Variants in FSD1 observed in about 807,000 individuals in gnomAD.
The protein encoded by FSD1 is fibronectin type III and SPRY domain-containing protein 1.
FSD1 carries 23 observed loss-of-function variants against 58.2 expected under a neutral mutation model. That is an observed-to-expected ratio of 0.40 (90% CI 0.28 to 0.56). The LOEUF (loss-of-function observed/expected upper bound fraction) is 0.56, where lower values mean the gene tolerates loss of function less well. Ranked by LOEUF, FSD1 falls within the 20% of genes least tolerant of loss-of-function variation. FSD1 has a pLI of 0.54. For synonymous variants in FSD1, 265 were observed against 263.4 expected (o/e 1.01, Z -0.06); for missense variants, 563 against 670.8 (o/e 0.84, Z 1.78).
At chr19:4,314,868 A>G in intron 7 of FSD1, among the ~76,000 whole-genome samples, 1 of 152,206 alleles carries the variant, frequency 6.6e-6, no homozygotes, top group East Asian at 1.9e-4. Context: ...CACCAACACC[A>G]CGGTCAAAGT....
chr19:4,314,141 A>T (rs1315940763), intron 7 of FSD1, among the ~76,000 whole-genome samples: 1 of 152,182 alleles, frequency 6.6e-6, no homozygotes, highest in East Asian at 1.9e-4. Context: ...TTGGGCTGTA[A>T]TCAGCCAGCT....
In FSD1 at chr19:4,306,343, G is replaced by C; in HGVS notation, c.243+14G>C. 6.2e-7 allele frequency: 1 copy of C among 1,612,794 alleles called. No homozygotes were observed. The highest frequency in any genetic ancestry group is 8.5e-7 in the Non-Finnish European group (1 of 1,179,716). On this transcript the variant is annotated intron_variant, in intron 3 of 12. Transcript: ENST00000221856. ...TACGAGCTGCAGGTGAGGGCTGAGG[G>C]CATCTTCCTCTCCCCCCGCCCCTCC...
chr19:4,315,498 C>T (rs1408825319), intron 7 of FSD1, among the ~76,000 whole-genome samples: 12 of 150,368 alleles, frequency 8.0e-5, no homozygotes, highest in East Asian at 2.0e-4. Flanking sequence ...TTAGTAGAGA[C>T]GGGTTTTCAC....
At chr19:4,312,804 CAAAA>C (rs1055017405) in intron 7 of FSD1, among the ~76,000 whole-genome samples, 1 of 141,272 alleles carries the variant, frequency 7.1e-6, no homozygotes, top group Non-Finnish European at 1.5e-5. Flanking sequence ...GACTCCGTCT[CAAAA>C]AATAAATAAA....
rs1233215084 is a variant in FSD1, at chr19:4,304,769, G to C, written c.15+8G>C. 2 of 1,099,392 alleles carry C rather than the reference G, an allele frequency of 1.8e-6. No homozygotes were observed. Among genetic ancestry groups the C allele is most frequent in the African/African-American group, 1.6e-5 (1 of 61,942 alleles). The allele number at this position is 1,099,392 out of a possible 1,614,324, so 68.1% of individuals were successfully genotyped here. ...GCCATGGAAGAACAGAGGGTAGGAC[G>C]GGGTGGGGCAGGGCGGGCCCGCAGG... On this transcript the variant is annotated splice_region_variant and intron_variant, in intron 1 of 12. Transcript: ENST00000221856.
Position 4,310,580 on chromosome 19 carries a change from A to G in FSD1, c.474A>G (p.Ala158=), listed in dbSNP as rs773166650. 1.9e-6 allele frequency: 3 copies of G among 1,613,310 alleles called. No homozygotes were observed. Among genetic ancestry groups the G allele is most frequent in the East Asian group, 4.5e-5 (2 of 44,878 alleles). The change falls in exon 6 of 13, where the codon GCA becomes GCG. Residue 158 remains alanine, a synonymous_variant. Transcript: ENST00000221856. ...DFAQERQMLQ[A]LKFLPVPSAP... ...CGCAAGAGCGGCAGATGCTACAGGC[A>G]CTCAAGTTCCTGCCTGGTGAGAGGG...
chr19:4,322,663 G>A (rs1971711176), intron 10 of FSD1, among the ~76,000 whole-genome samples: 2 of 150,424 alleles, frequency 1.3e-5, no homozygotes, highest in Admixed American at 1.3e-4. Context: ...GGGAATAGCT[G>A]GGGCCCAAGG....
In FSD1 at chr19:4,305,951, C is replaced by T. The variant is rs1568377539; in HGVS notation, c.21C>T (p.Ala7=). ...CCACACTTCTGGTGGTGCAGGAGGC[C>T]CTGAGGAAGATCATCAAAACACTGG... MEEQRE[A]LRKIIKTLAV... The change falls in exon 2 of 13, where the codon GCC becomes GCT. Residue 7 remains alanine, a synonymous_variant. Transcript: ENST00000221856. 2 of 1,613,590 alleles carry T rather than the reference C, an allele frequency of 1.2e-6. No individual in the cohort carries two copies. Among genetic ancestry groups the T allele is most frequent in the Non-Finnish European group, 1.7e-6 (2 of 1,179,540 alleles).
At chr19:4,318,248 T>G in intron 8 of FSD1, 98 bp from the exon 9 acceptor site, 2 of 1,489,664 alleles carry the variant, frequency 1.3e-6, no homozygotes, top group South Asian at 2.3e-5. Context: ...TCTCTGTCCC[T>G]GTCTTGGTCT....
At chr19:4,321,551 G>A (rs1255796784) in intron 10 of FSD1, among the ~76,000 whole-genome samples, 3 of 151,408 alleles carry the variant, frequency 2.0e-5, no homozygotes, top group Non-Finnish European at 2.9e-5. Flanking sequence ...GAAGTATCTG[G>A]GGGAAATAGC....
intron 10 of FSD1, 99 bp downstream of exon 10, chr19:4,319,050 A>C (rs1971786531): frequency 1.1e-6 from 1 of 888,666 alleles, no homozygotes; most frequent in African/African-American, 1.6e-5. Context: ...GGAAACAGGC[A>C]GCCATCAGCA....
At chr19:4,305,727 C>G (rs1044145961) in intron 1 of FSD1, among the ~76,000 whole-genome samples, 3 of 152,204 alleles carry the variant, frequency 2.0e-5, no homozygotes, top group Non-Finnish European at 4.4e-5. Flanking sequence ...CTCTGGATCC[C>G]TGGAGGGGAG....
chr19:4,319,441 G>T (rs753179185), intron 10 of FSD1, among the ~76,000 whole-genome samples: 1 of 152,180 alleles, frequency 6.6e-6, no homozygotes, highest in Non-Finnish European at 1.5e-5. Context: ...CTGTGAAGAA[G>T]AAGCTGGAGT....
At chr19:4,316,411 C>T (rs1054477127) in intron 7 of FSD1, among the ~76,000 whole-genome samples, 3 of 148,506 alleles carry the variant, frequency 2.0e-5, no homozygotes, top group South Asian at 2.1e-4. Context: ...AGTAGAGATG[C>T]GGTTTCATCA....
At chr19:4,314,732 C>T (rs1325780480) in intron 7 of FSD1, among the ~76,000 whole-genome samples, 2 of 152,238 alleles carry the variant, frequency 1.3e-5, no homozygotes. Context: ...GGTGATCCGC[C>T]TGCCTCGGCC....
chr19:4,314,840 T>C (rs1971736185), intron 7 of FSD1, among the ~76,000 whole-genome samples: 1 of 152,204 alleles, frequency 6.6e-6, no homozygotes, highest in African/African-American at 2.4e-5. Flanking sequence ...TTTTCTCCCA[T>C]GTGTAAATTC....
In FSD1 at chr19:4,313,725, A is replaced by C. The variant is rs539842123; in HGVS notation, c.700+1674A>C. 3.4e-5 allele frequency among the ~76,000 whole-genome samples: 5 copies of C among 149,098 alleles called. No homozygotes were observed. The East Asian group carries it at 8.0e-4, about 24-fold the overall frequency. On this transcript the variant is annotated intron_variant, in intron 7 of 12. Coordinates refer to ENST00000221856, the MANE Select transcript of FSD1 (RefSeq NM_024333.3). Reference sequence around the variant, plus strand: ...GAGCGAGACTCCGTCTCAAAAAAAAAAAAAACAAAAAGCCATCCTGGCCAG... The same window carrying C: ...GAGCGAGACTCCGTCTCAAAAAAAACAAAAACAAAAAGCCATCCTGGCCAG...
chr19:4,312,083 T>G (rs754854839), intron 7 of FSD1, 32 bp downstream of exon 7: 1 of 1,544,026 alleles, frequency 6.5e-7, no homozygotes, highest in South Asian at 1.1e-5. Flanking sequence ...TCCGCCCAGC[T>G]GTGAACAGCC....
chr19:4,317,238 G>C lies in FSD1; in HGVS notation c.757G>C (p.Val253Leu), dbSNP rs1289847050. Residue 253 changes from valine (V) to leucine (L), a missense_variant, in exon 8 of 13, where the codon GTT (valine) becomes CTT (leucine). Val to Leu is a conservative substitution (Grantham distance 32, BLOSUM62 1). Coordinates refer to ENST00000221856, the MANE Select transcript of FSD1 (RefSeq NM_024333.3). Reference protein sequence around the residue: ...NFRVKACNKAVAGEFSEPVTL... With the variant: ...NFRVKACNKALAGEFSEPVTL... ...CCGTGTGAAGGCCTGTAACAAGGCA[G>C]TTGCAGGAGAGTTCTCTGAGCCGGT... is the stretch of plus-strand genomic sequence containing the variant. 10 of 1,613,042 alleles carry C rather than the reference G, an allele frequency of 6.2e-6. No individual in the cohort carries two copies. The highest frequency in any genetic ancestry group is 8.5e-6 in the Non-Finnish European group (10 of 1,179,216).
Sources: gnomAD v4.1 joint callset for allele counts (sites outside exome capture counted in the v4.1 genomes callset) on GRCh38, gnomAD v4.1.1 for gene constraint, MANE v1.5 for transcripts, NCBI Gene and HGNC (gene_info 2026-07-23, HGNC 2026-07-21) for gene names.